The following ASAH2 variants were observed in gnomAD, a reference collection of about 807,000 sequenced individuals.
The protein encoded by ASAH2 is N-acylsphingosine amidohydrolase 2, also known as neutral ceramidase.
ASAH2 carries 58 observed loss-of-function variants against 82.9 expected under a neutral mutation model. That is an observed-to-expected ratio of 0.70 (90% CI 0.57 to 0.87). The LOEUF (loss-of-function observed/expected upper bound fraction) is 0.87. ASAH2 is among the 40% of genes least tolerant of loss of function. ASAH2 has a pLI of 0.00. For missense variants in ASAH2, 779 were observed against 834.0 expected, an observed-to-expected ratio of 0.93 and a Z score of 0.81; for synonymous variants, 276 against 289.7, an observed-to-expected ratio of 0.95 and a Z score of 0.48.
Position 50,205,856 on chromosome 10 carries a change from A to T in ASAH2, c.1530+126T>A, listed in dbSNP as rs1278000152. The T allele has an allele frequency of 2.6e-5, 21 of 823,240 alleles. No homozygotes were observed. The Admixed American group carries it at 4.2e-4, about 16-fold the overall frequency. 51.0% of individuals were successfully genotyped at this position (823,240 alleles called of 1,614,324 possible). Reference sequence around the variant, plus strand: ...TGGAACCCATTTTTTAATATTAAAAACTTGATATGGGAATATCTAAATAAG... The same window carrying T: ...TGGAACCCATTTTTTAATATTAAAATCTTGATATGGGAATATCTAAATAAG... On this transcript the variant is annotated intron_variant, in intron 13 of 20. Coordinates refer to ENST00000682911, the MANE Select transcript of ASAH2 (RefSeq NM_019893.4).
chr10:50,235,469 A>G (rs1398699799), intron 5 of ASAH2, among the ~76,000 whole-genome samples: 2 of 152,024 alleles, frequency 1.3e-5, no homozygotes, highest in Non-Finnish European at 2.9e-5. Context: ...AAAAATTGGG[A>G]TGTGTGTTTA....
chr10:50,240,475 T>C, intron 4 of ASAH2: 7 of 702,208 alleles, frequency 1.0e-5, no homozygotes. Flanking sequence ...CAAACATCCC[T>C]ACCTGCTTAA....
chr10:50,206,980 A>G (rs968562953), intron 12 of ASAH2, among the ~76,000 whole-genome samples: 76 of 152,106 alleles, frequency 5.0e-4, no homozygotes, highest in Non-Finnish European at 9.0e-4. Context: ...ATAATACAAA[A>G]TATGTTTTCC....
intron 4 of ASAH2, among the ~76,000 whole-genome samples, chr10:50,239,451 C>T (rs1846237554): frequency 6.6e-6 from 1 of 152,252 alleles, no homozygotes; most frequent in South Asian, 2.1e-4. Context: ...CCTCCCCACT[C>T]TACCCGCCAA....
At chr10:50,229,631 C>G (rs1845977050) in intron 7 of ASAH2, among the ~76,000 whole-genome samples, 1 of 152,158 alleles carries the variant, frequency 6.6e-6, no homozygotes, top group East Asian at 1.9e-4. Context: ...CATCTAATCT[C>G]TATTTCTTAC....
intron 7 of ASAH2, among the ~76,000 whole-genome samples, chr10:50,226,515 C>G (rs1217851643): frequency 1.3e-5 from 2 of 151,482 alleles, no homozygotes; most frequent in African/African-American, 4.9e-5. Flanking sequence ...GATACAACAC[C>G]AAGAATGAAC....
chr10:50,209,114 C>T (rs1391848249), intron 12 of ASAH2, among the ~76,000 whole-genome samples: 2 of 152,040 alleles, frequency 1.3e-5, no homozygotes, highest in Non-Finnish European at 2.9e-5. Flanking sequence ...CAGGCCATTA[C>T]CTCCATGATA....
chr10:50,235,990 A>C lies in ASAH2; in HGVS notation c.585T>G (p.Thr195=). 1 of 1,613,250 alleles carries C rather than the reference A, an allele frequency of 6.2e-7. No homozygotes were observed. Residue 195 remains threonine, a synonymous_variant, in exon 5 of 21, where the codon ACT becomes ACG. Coordinates refer to ENST00000682911, the MANE Select transcript of ASAH2 (RefSeq NM_019893.4). ...RDNVILSGTH[T]HSGPAGYFQY... is the part of the protein sequence containing the mutation. ...GGAAATATCCTGCAGGACCTGAATGAGTGTGAGTGCCACTCAGGATGACAT... is the reference window on the plus strand; with the variant it reads ...GGAAATATCCTGCAGGACCTGAATGCGTGTGAGTGCCACTCAGGATGACAT...
At chr10:50,250,936 A>T (rs565230439) in intron 1 of ASAH2, among the ~76,000 whole-genome samples, 2 of 152,346 alleles carry the variant, frequency 1.3e-5, no homozygotes, top group South Asian at 4.1e-4. Flanking sequence ...ACACAGTAAC[A>T]TTCTTTTTGA....
At chr10:50,206,612 A>G (rs1845305763) in intron 12 of ASAH2, among the ~76,000 whole-genome samples, 1 of 151,398 alleles carries the variant, frequency 6.6e-6, no homozygotes, top group Non-Finnish European at 1.5e-5. Flanking sequence ...CTTCATATGC[A>G]TAATCTGGGG....
At position 50,235,947 on chromosome 10, in the gene ASAH2, T is replaced by C. The variant is rs1846148302; in HGVS notation, c.628A>G (p.Ile210Val). Reference protein sequence around the residue: ...AGYFQYTVFVIASEGFSNQTF... With the variant: ...AGYFQYTVFVVASEGFSNQTF... ...TGATTGCTAAATCCTTCACTGGCAATTACAAACACGGTATACTGGAAATAT... is the reference window on the plus strand; with the variant it reads ...TGATTGCTAAATCCTTCACTGGCAACTACAAACACGGTATACTGGAAATAT... Residue 210 changes from isoleucine to valine, a missense_variant, in exon 5 of 21, where the codon ATT becomes GTT. Around this residue, in one of 3 missense-constraint regions of ASAH2, gnomAD observed 759 missense variants for 755.2 expected, o/e 1.00. Transcript: ENST00000682911. The C allele has an allele frequency of 1.2e-6, 2 of 1,613,414 alleles. No homozygotes were observed. The highest frequency in any genetic ancestry group is 1.7e-6 in the Non-Finnish European group (2 of 1,179,528).
chr10:50,247,939 C>A (rs1457753950), intron 2 of ASAH2, among the ~76,000 whole-genome samples: 1 of 152,194 alleles, frequency 6.6e-6, no homozygotes, highest in Admixed American at 6.5e-5. Flanking sequence ...ACAGCTGCCA[C>A]CTGGGAGAGG....
chr10:50,248,420 C>A, intron 2 of ASAH2, 64 bp downstream of exon 2: 1 of 1,578,950 alleles, frequency 6.3e-7, no homozygotes, highest in South Asian at 1.1e-5. Context: ...CTTTGGTGTC[C>A]ACAGTAATCA....
At chr10:50,239,000 G>A (rs1846227965) in intron 4 of ASAH2, among the ~76,000 whole-genome samples, 2 of 152,124 alleles carry the variant, frequency 1.3e-5, no homozygotes, top group African/African-American at 4.8e-5. Flanking sequence ...GTTCATGAAA[G>A]GAGGGTATTT....
chr10:50,246,909 G>C (rs1280536559), intron 2 of ASAH2, among the ~76,000 whole-genome samples: 1 of 152,152 alleles, frequency 6.6e-6, no homozygotes, highest in Admixed American at 6.5e-5. Flanking sequence ...TACAATCTCA[G>C]GGTCTCCGTT....
At chr10:50,232,888 T>A (rs1846054541) in intron 7 of ASAH2, among the ~76,000 whole-genome samples, 1 of 152,190 alleles carries the variant, frequency 6.6e-6, no homozygotes, top group Non-Finnish European at 1.5e-5. Context: ...TAAGTGTTAA[T>A]GTTTACTGAA....
In ASAH2 at chr10:50,203,707, G is replaced by A. The variant is rs1845222000; in HGVS notation, c.1626-28C>T. The A allele has an allele frequency of 5.6e-6, 9 of 1,608,016 alleles. No homozygotes were observed. In the East Asian group the frequency reaches 6.7e-5, roughly 12 times the overall value. The stretch of plus-strand genomic sequence containing the variant: ...GAGTCAAGAAAAAAATTATGTAAAC[G>A]TTTTCCTACTAGACGTATGCAGAGT... On this transcript the variant is annotated intron_variant, in intron 14 of 20. Coordinates refer to ENST00000682911, the MANE Select transcript of ASAH2 (RefSeq NM_019893.4).
chr10:50,230,244 G>T (rs971699945), intron 7 of ASAH2, among the ~76,000 whole-genome samples: 4 of 152,152 alleles, frequency 2.6e-5, no homozygotes, highest in Non-Finnish European at 5.9e-5. Flanking sequence ...AATGAATTAT[G>T]AACTCAAATA....
rs1304732876 is a variant in ASAH2 at position 50,210,673 on chromosome 10, G to A, written c.1414+150C>T. 18 of 756,194 alleles carry A rather than the reference G, an allele frequency of 2.4e-5. 1 individual carries two copies. In the Middle Eastern group the frequency reaches 1.4e-3, roughly 57 times the overall value. The allele number at this position is 756,194 out of a possible 1,614,324, so 46.8% of individuals were successfully genotyped here. A position where few individuals can be genotyped will look rare whatever the true frequency, so the allele number is the denominator to read the frequency against. On this transcript the variant is annotated intron_variant, in intron 12 of 20. Coordinates refer to ENST00000682911, the MANE Select transcript of ASAH2 (RefSeq NM_019893.4). ...TTGCTTAGGTCTGGGGGCAGCGGGTGCGGTACATGGTCATGTACAAACCTG... is the reference window on the plus strand; with the variant it reads ...TTGCTTAGGTCTGGGGGCAGCGGGTACGGTACATGGTCATGTACAAACCTG...
Sources: gnomAD v4.1 joint callset for allele counts (sites outside exome capture counted in the v4.1 genomes callset) on GRCh38, gnomAD v4.1.1 for gene constraint, gnomAD v4.1.1 regional missense constraint, MANE v1.5 for transcripts, NCBI Gene and HGNC (gene_info 2026-07-23, HGNC 2026-07-21) for gene names.